The following PDE4D variants were observed in gnomAD, a reference collection of about 807,000 sequenced individuals.
PDE4D encodes the protein 3',5'-cyclic-AMP phosphodiesterase 4D.
In PDE4D, 24 loss-of-function variants were observed where a neutral mutation model predicts 87.4. That is an observed-to-expected ratio of 0.27 (90% CI 0.20 to 0.39). The LOEUF is 0.39. Ranked by LOEUF, PDE4D falls within the 10% of genes least tolerant of loss-of-function variation. The pLI, the probability that PDE4D is intolerant of heterozygous loss-of-function variation, is 1.00. For synonymous variants in PDE4D, 384 were observed against 383.2 expected (o/e 1.00, Z -0.02); for missense variants, 714 against 1,041.0 (o/e 0.69, Z 4.32).
At chr5:60,453,210 A>G (rs1746227499) in intron 1 of PDE4D, among the ~76,000 whole-genome samples, 1 of 152,094 alleles carries the variant, frequency 6.6e-6, no homozygotes, top group African/African-American at 2.4e-5. Context: ...AAGTGACCAA[A>G]TTCTCCTAGA....
intron 1 of PDE4D, among the ~76,000 whole-genome samples, chr5:59,644,504 AT>A (rs1239268796): frequency 1.1e-4 from 16 of 152,080 alleles, no homozygotes; most frequent in Admixed American, 1.0e-3. Flanking sequence ...GTGCCTCTAT[AT>A]TTTGCTCTGC....
intron 1 of PDE4D, among the ~76,000 whole-genome samples, chr5:59,283,791 A>G (rs745993102): frequency 5.9e-5 from 9 of 152,170 alleles, no homozygotes; most frequent in Non-Finnish European, 8.8e-5. Context: ...CAATCTGGGA[A>G]TATCTCAGGT....
chr5:59,540,904 C>G (rs894151457), intron 1 of PDE4D, among the ~76,000 whole-genome samples: 1 of 152,062 alleles, frequency 6.6e-6, no homozygotes, highest in Non-Finnish European at 1.5e-5. Flanking sequence ...AAAATCCAGT[C>G]TTAATTGGGG....
intron 1 of PDE4D, among the ~76,000 whole-genome samples, chr5:59,881,633 A>T (rs1279436864): frequency 1.3e-5 from 2 of 152,312 alleles, no homozygotes; most frequent in East Asian, 3.9e-4. Flanking sequence ...TAAAATTGGT[A>T]ACCCTGGAGT....
intron 5 of PDE4D, among the ~76,000 whole-genome samples, chr5:59,154,882 C>G (rs1456425282): frequency 6.6e-6 from 1 of 152,078 alleles, no homozygotes. Flanking sequence ...TGAGACAACT[C>G]TGTTTCAAAA....
At chr5:60,272,803 A>G (rs1354945609) in intron 1 of PDE4D, among the ~76,000 whole-genome samples, 1 of 152,216 alleles carries the variant, frequency 6.6e-6, no homozygotes, top group East Asian at 1.9e-4. Flanking sequence ...CCTCGGCAGA[A>G]GGGAATATGT....
Position 60,224,747 on chromosome 5 carries a change from C to G in PDE4D, c.-89-39060G>C, listed in dbSNP as rs551360052. ...CACAGATGCTCATTTATGCTGCATT[C>G]TATTCATCAATTAAGCCACCAGGCT... On this transcript the variant is annotated intron_variant, in intron 1 of 16. Transcript: ENST00000502484. Among the ~76,000 whole-genome samples, 4 of 152,182 alleles carry G rather than the reference C, an allele frequency of 2.6e-5. No homozygotes were observed. In the South Asian group the frequency reaches 8.3e-4, roughly 32 times the overall value.
rs890909941 is a variant in PDE4D, at chr5:60,000,871, T to A, written c.43-12154A>T. Among the ~76,000 whole-genome samples the A allele has an allele frequency of 2.0e-5, 3 of 152,298 alleles. No homozygotes were observed. In the East Asian group the frequency reaches 5.8e-4, roughly 29 times the overall value. On this transcript the variant is annotated intron_variant, in intron 2 of 16. Coordinates refer to the PDE4D transcript ENST00000502484. ...AACTGAAACTGTGGCCTGAGAGCAG[T>A]CCTGTCTCCACTTAGCGACCTGTCA...
intron 1 of PDE4D, among the ~76,000 whole-genome samples, chr5:59,683,283 T>C (rs1749329353): frequency 6.6e-6 from 1 of 152,074 alleles, no homozygotes; most frequent in Non-Finnish European, 1.5e-5. Context: ...ATAAAGTAAA[T>C]GTAGTAAAAT....
At chr5:60,035,873 A>G (rs149010299) in intron 2 of PDE4D, among the ~76,000 whole-genome samples, 192 of 152,346 alleles carry the variant, frequency 1.3e-3, no homozygotes, top group African/African-American at 4.4e-3. Context: ...AGAAAGTCTT[A>G]ACATCCTTGC....
At chr5:60,399,412 C>G (rs1740845552) in intron 1 of PDE4D, among the ~76,000 whole-genome samples, 1 of 152,210 alleles carries the variant, frequency 6.6e-6, no homozygotes, top group Admixed American at 6.5e-5. Context: ...CAGACTGTGG[C>G]CTTCTGGTAT....
In PDE4D at chr5:59,127,613, A is replaced by AC. The variant is rs1358070404; in HGVS notation, c.808+52981dup. Among the ~76,000 whole-genome samples, 11 of 25,116 alleles carry AC rather than the reference A, an allele frequency of 4.4e-4. No homozygotes were observed. In the South Asian group the frequency reaches 7.4e-3, roughly 17 times the overall value. The allele number at this position is 25,116 out of a possible 152,430, so 16.5% of individuals were successfully genotyped here. On this transcript the variant is annotated intron_variant, in intron 5 of 14. Transcript: ENST00000340635. The stretch of plus-strand genomic sequence containing the variant: ...TGCTTCTTTCCCTCCCCACCCCCCC[A>AC]CCCCCCACCTCACCCCCCACACTCC...
chr5:59,907,941 G>C (rs1034638897), intron 3 of PDE4D, among the ~76,000 whole-genome samples: 1 of 151,818 alleles, frequency 6.6e-6, no homozygotes, highest in Non-Finnish European at 1.5e-5. Context: ...TCATTCTTTT[G>C]TCACTATTTG....
At chr5:59,854,890 C>A (rs993711492) in intron 1 of PDE4D, among the ~76,000 whole-genome samples, 20 of 152,074 alleles carry the variant, frequency 1.3e-4, no homozygotes, top group Non-Finnish European at 2.6e-4. Flanking sequence ...GTATGCCAGG[C>A]ACCGAACACA....
At chr5:59,160,183 C>A (rs1048281285) in intron 5 of PDE4D, among the ~76,000 whole-genome samples, 3 of 152,120 alleles carry the variant, frequency 2.0e-5, no homozygotes, top group Non-Finnish European at 4.4e-5. Context: ...GATAAACTAG[C>A]CTTAAATTCA....
intron 2 of PDE4D, among the ~76,000 whole-genome samples, chr5:60,049,280 A>T (rs1769766337): frequency 6.6e-6 from 1 of 152,050 alleles, no homozygotes; most frequent in African/African-American, 2.4e-5. Flanking sequence ...AATTTTTTTC[A>T]AAGTTTTCAA....
At chr5:59,467,245 A>C (rs1344459213) in intron 1 of PDE4D, among the ~76,000 whole-genome samples, 1 of 152,234 alleles carries the variant, frequency 6.6e-6, no homozygotes, top group Non-Finnish European at 1.5e-5. Context: ...TCAGAAAATT[A>C]ACACATGGAT....
At chr5:60,514,857 G>A (rs556151820) in intron 1 of PDE4D, among the ~76,000 whole-genome samples, 7 of 152,056 alleles carry the variant, frequency 4.6e-5, no homozygotes, top group East Asian at 1.9e-4. Context: ...GCAAGGGGGG[G>A]AAAACAAGAA....
intron 2 of PDE4D, among the ~76,000 whole-genome samples, chr5:60,017,653 T>C (rs1232831807): frequency 1.3e-5 from 2 of 152,234 alleles, no homozygotes; most frequent in African/African-American, 4.8e-5. Context: ...TGCATAGTGT[T>C]CCATGGTGTA....
Sources: gnomAD v4.1 joint callset for allele counts (sites outside exome capture counted in the v4.1 genomes callset) on GRCh38, gnomAD v4.1.1 for gene constraint, MANE v1.5 for transcripts, NCBI Gene and HGNC (gene_info 2026-07-23, HGNC 2026-07-21) for gene names.